TPR: variants seen among roughly 807,000 people sequenced by gnomAD.
The protein encoded by TPR is translocated promoter region, nuclear basket protein, also known as nucleoprotein TPR.
A neutral mutation model predicts 316.1 loss-of-function variants in TPR; 51 were observed. That is an observed-to-expected ratio of 0.16 (90% CI 0.13 to 0.20). TPR has a LOEUF of 0.20. TPR is among the 10% of genes least tolerant of loss of function. The probability of loss-of-function intolerance (pLI) is 1.00; values close to 1 mark genes in which losing one functional copy is unlikely to be tolerated. For synonymous variants in TPR, 981 were observed against 914.7 expected, an observed-to-expected ratio of 1.07 and a Z score of -1.31; for missense variants, 2,272 against 2,754.8, an observed-to-expected ratio of 0.82 and a Z score of 3.92.
intron 49 of TPR, among the ~76,000 whole-genome samples, chr1:186,315,835 C>T (rs187622217): frequency 6.7e-6 from 1 of 149,174 alleles, no homozygotes; most frequent in African/African-American, 2.5e-5. Context: ...CACACTGCTG[C>T]CTTATGGACT....
chr1:186,360,128 T>G, intron 11 of TPR, 132 bp from the exon 12 acceptor site: 1 of 1,291,544 alleles, frequency 7.7e-7, no homozygotes, highest in East Asian at 2.4e-5. Context: ...TACACAGCAC[T>G]AGGAACCAAA....
At chr1:186,351,620 A>G in intron 19 of TPR, 150 bp from the exon 20 acceptor site, 1 of 813,696 alleles carries the variant, frequency 1.2e-6, no homozygotes, top group Non-Finnish European at 1.8e-6. Flanking sequence ...GTATTCTGGT[A>G]TTTTTTATAT....
At chr1:186,329,691 T>C (rs1285869056) in intron 39 of TPR, among the ~76,000 whole-genome samples, 1 of 152,172 alleles carries the variant, frequency 6.6e-6, no homozygotes, top group Non-Finnish European at 1.5e-5. Flanking sequence ...CTGTACTACA[T>C]AATCATCTGA....
At chr1:186,317,632 C>T (rs1488779196) in intron 48 of TPR, 32 bp from the exon 49 acceptor site, 4 of 1,575,002 alleles carry the variant, frequency 2.5e-6, no homozygotes, top group Non-Finnish European at 3.5e-6. Flanking sequence ...AAATACAAAA[C>T]TGATCCTACA....
Position 186,351,337 on chromosome 1 carries a change from T to G in TPR, c.2603A>C (p.Asn868Thr), listed in dbSNP as rs746528429. 3.1e-6 allele frequency: 5 copies of G among 1,607,706 alleles called. No homozygotes were observed. Among genetic ancestry groups the G allele is most frequent in the Non-Finnish European group, 4.2e-6 (5 of 1,177,608 alleles). Residue 868 changes from asparagine to threonine, a missense_variant, in exon 20 of 51, where the codon AAT becomes ACT. Physicochemically the swap from Asn to Thr is moderately conservative, Grantham distance 65. This residue lies in a region of TPR where 757 missense variants were observed against 859.8 expected (regional missense o/e 0.88). Transcript: ENST00000367478. ...GAACTCTGATGGACTCACATCTAGA[T>G]TTCTAGTAAGTGTATGCCTTTGTTC... The part of the protein sequence containing the change: ...EVEQRHTLTR[N>T]LDVQLLDTKR...
At position 186,355,752 on chromosome 1, in the gene TPR, A is replaced by G. The variant is rs747719224; in HGVS notation, c.1905T>C (p.Asp635=). 41 of 1,614,050 alleles carry G rather than the reference A, an allele frequency of 2.5e-5. No individual in the cohort carries two copies. Among genetic ancestry groups the G allele is most frequent in the South Asian group, 1.1e-4 (10 of 91,076 alleles). The change falls in exon 16 of 51, where the codon GAT becomes GAC. Residue 635 remains aspartate, a synonymous_variant. Coordinates refer to ENST00000367478, the MANE Select transcript of TPR (RefSeq NM_003292.3). The part of the protein sequence containing the change: ...AIPLHASSLD[D]VSLASTPKRP... ...GTTTTGGAGTTGATGCAAGAGAAAC[A>G]TCATCTAAGCTTGAAGCTTCAGGAA...
intron 30 of TPR, 117 bp from the exon 31 acceptor site, chr1:186,338,360 A>C: frequency 1.3e-6 from 1 of 790,648 alleles, no homozygotes; most frequent in South Asian, 1.9e-5. Flanking sequence ...GAAAATCCTA[A>C]AAAATACCCA....
intron 4 of TPR, among the ~76,000 whole-genome samples, chr1:186,366,067 T>C (rs890937372): frequency 6.6e-6 from 1 of 152,190 alleles, no homozygotes; most frequent in Non-Finnish European, 1.5e-5. Context: ...TTCTCTTACA[T>C]GGGCACTGAA....
intron 30 of TPR, among the ~76,000 whole-genome samples, chr1:186,338,681 A>G (rs1371745317): frequency 6.6e-6 from 1 of 152,226 alleles, no homozygotes; most frequent in Admixed American, 6.5e-5. Context: ...CTTTAAAAAT[A>G]TAAAAATCAT....
At chr1:186,353,017 T>C (rs1658910371) in intron 18 of TPR, among the ~76,000 whole-genome samples, 1 of 152,218 alleles carries the variant, frequency 6.6e-6, no homozygotes, top group Non-Finnish European at 1.5e-5. Context: ...AATTCAGAAA[T>C]ATAAATTCAA....
At position 186,313,888 on chromosome 1, in the gene TPR, T is replaced by C. The variant is rs969098776; in HGVS notation, c.*83A>G. 1.3e-5 allele frequency: 20 copies of C among 1,512,500 alleles called. No homozygotes were observed. The South Asian group carries it at 1.6e-4, about 12-fold the overall frequency. The allele number at this position is 1,512,500 out of a possible 1,614,324, so 93.7% of individuals were successfully genotyped here. On this transcript the variant is annotated 3_prime_UTR_variant, in exon 51 of 51. Transcript: ENST00000367478. ...TGACATGAGTATACCAGTTTATATA[T>C]AAAAATGTTTTTAAACTTGACAATC...
At position 186,343,335 on chromosome 1, in the gene TPR, C is replaced by T; in HGVS notation, c.3741G>A (p.Glu1247=). 6.2e-7 allele frequency: 1 copy of T among 1,612,506 alleles called. No individual in the cohort carries two copies. Among genetic ancestry groups the T allele is most frequent in the Admixed American group, 1.7e-5 (1 of 59,784 alleles). The change falls in exon 27 of 51, where the codon GAG becomes GAA. Residue 1247 remains glutamate (E), a synonymous_variant. Coordinates refer to ENST00000367478, the MANE Select transcript of TPR (RefSeq NM_003292.3). ...ELQDSLNAER[E]KVQVTAKTMA... is the part of the protein sequence containing the mutation. ...AGCTTAGTATACCTACCTGGACTTT[C>T]TCCCTTTCAGCATTTAGACTATCTT...
At position 186,334,580 on chromosome 1, in the gene TPR, C is replaced by T. The variant is rs145023248; in HGVS notation, c.4974-47G>A. The T allele has an allele frequency of 2.8e-4, 438 of 1,567,028 alleles. 4 individuals carry two copies. The East Asian group carries it at 9.5e-3, about 34-fold the overall frequency. Reference sequence around the variant, plus strand: ...GAATAATTAATAACAAATTATTATGCAAATACTTTTAAAAACACAGTGAGT... The same window carrying T: ...GAATAATTAATAACAAATTATTATGTAAATACTTTTAAAAACACAGTGAGT... On this transcript the variant is annotated intron_variant, in intron 35 of 50. Transcript: ENST00000367478.
rs1375014571 is a variant in TPR, at chr1:186,356,331, G to A, written c.1843C>T (p.Arg615Cys). 12 of 1,611,820 alleles carry A rather than the reference G, an allele frequency of 7.4e-6. No individual in the cohort carries two copies. In the Admixed American group the frequency reaches 1.0e-4, roughly 13 times the overall value. Residue 615 changes from arginine to cysteine, a missense_variant, in exon 15 of 51, where the codon CGT becomes TGT. Arg to Cys is a radical substitution (Grantham distance 180, BLOSUM62 -3). Around this residue, in one of 10 missense-constraint regions of TPR, gnomAD observed 757 missense variants for 859.8 expected, o/e 0.88. Transcript: ENST00000367478. ...CCTGTTGTTTGTGACAATAAAATAC[G>A]GTACATATCACGCTGACGAACTATG... Reference protein sequence around the residue: ...DSIVRQRDMYRILLSQTTGVA... With the variant: ...DSIVRQRDMYCILLSQTTGVA...
intron 18 of TPR, 77 bp downstream of exon 18, chr1:186,353,611 G>C: frequency 6.6e-7 from 1 of 1,516,742 alleles, no homozygotes; most frequent in Non-Finnish European, 8.9e-7. Context: ...CTATCAGTGA[G>C]TAAAATTCAA....
chr1:186,348,943 C>T (rs1658764369), intron 21 of TPR, among the ~76,000 whole-genome samples: 1 of 151,476 alleles, frequency 6.6e-6, no homozygotes, highest in Non-Finnish European at 1.5e-5. Flanking sequence ...AATTATACAC[C>T]CATTATTTAT....
intron 26 of TPR, 117 bp from the exon 27 acceptor site, chr1:186,343,590 CATT>C: frequency 1.1e-6 from 1 of 925,654 alleles, no homozygotes; most frequent in Non-Finnish European, 1.6e-6. Flanking sequence ...TACACGTTTT[CATT>C]AATAATAAAT....
In TPR at chr1:186,312,051, C is replaced by G; in HGVS notation, c.*1920G>C. 2.7e-6 allele frequency: 2 copies of G among 741,856 alleles called. No individual in the cohort carries two copies. The highest frequency in any genetic ancestry group is 4.5e-6 in the Non-Finnish European group (2 of 443,666). 46.0% of individuals were successfully genotyped at this position (741,856 alleles called of 1,614,324 possible). A position where few individuals can be genotyped will look rare whatever the true frequency, so the allele number is the denominator to read the frequency against. ...CTTGACTAATAGCCATTATTAATATCAATATATTATATGAAAAATGAGAAC... is the reference window on the plus strand; with the variant it reads ...CTTGACTAATAGCCATTATTAATATGAATATATTATATGAAAAATGAGAAC... On this transcript the variant is annotated 3_prime_UTR_variant, in exon 51 of 51. Transcript: ENST00000367478.
At chr1:186,356,223 C>T in intron 15 of TPR, 63 bp downstream of exon 15, 1 of 1,426,632 alleles carries the variant, frequency 7.0e-7, no homozygotes, top group Non-Finnish European at 9.3e-7. Context: ...GCTTATGTTG[C>T]AAAATTAATC....
Sources: allele counts gnomAD v4.1 joint callset (sites outside exome capture counted in the v4.1 genomes callset), GRCh38; gene constraint gnomAD v4.1.1; regional missense constraint gnomAD v4.1.1; transcripts MANE v1.5; gene names NCBI Gene and HGNC (gene_info 2026-07-23, HGNC 2026-07-21).